Variants in SPAG9 observed in about 807,000 individuals in gnomAD.
The protein encoded by SPAG9 is sperm associated antigen 9.
SPAG9 carries 35 observed loss-of-function variants against 166.5 expected under a neutral mutation model. The ratio of observed to expected loss-of-function variants is 0.21; its 90% CI spans 0.16 to 0.28. SPAG9 has a LOEUF of 0.28. Ranked by LOEUF, SPAG9 falls within the 10% of genes least tolerant of loss-of-function variation. The probability of loss-of-function intolerance (pLI) is 1.00; values close to 1 mark genes in which losing one functional copy is unlikely to be tolerated. For missense variants in SPAG9, 1,235 were observed against 1,603.3 expected, an observed-to-expected ratio of 0.77 and a Z score of 3.92; for synonymous variants, 534 against 565.5, an observed-to-expected ratio of 0.94 and a Z score of 0.79.
intron 2 of SPAG9, among the ~76,000 whole-genome samples, chr17:51,061,784 C>T (rs1479535890): frequency 6.6e-6 from 1 of 151,990 alleles, no homozygotes; most frequent in Admixed American, 6.6e-5. Flanking sequence ...TTTTGTTCTC[C>T]TTAAGCATTT....
At chr17:51,084,875 G>A (rs1189786585) in intron 1 of SPAG9, among the ~76,000 whole-genome samples, 1 of 151,856 alleles carries the variant, frequency 6.6e-6, no homozygotes, top group Non-Finnish European at 1.5e-5. Context: ...TTTTGAGATG[G>A]AGTCTGGCTC....
rs2045160827 is a variant in SPAG9 at position 51,005,282 on chromosome 17, A to C, written c.1425-19T>G. ...CCGAGCTCTAGTGGGGAAAAAACAA[A>C]ACAAAACATGTTATTTGAATTGAGC... is the stretch of plus-strand genomic sequence containing the variant. On this transcript the variant is annotated intron_variant, in intron 11 of 29. Coordinates refer to ENST00000262013, the MANE Select transcript of SPAG9 (RefSeq NM_001130528.3). 6.2e-7 allele frequency: 1 copy of C among 1,611,830 alleles called. No homozygotes were observed.
rs969436984 is a variant in SPAG9 at position 50,977,098 on chromosome 17, A to T, written c.3523+10T>A. ...TTTGTTCCATGGCAGTTATCTAAAAATATACTTACTTTCTGTCAATGGGAT... is the reference window on the plus strand; with the variant it reads ...TTTGTTCCATGGCAGTTATCTAAAATTATACTTACTTTCTGTCAATGGGAT... On this transcript the variant is annotated intron_variant, in intron 27 of 29. Transcript: ENST00000262013. 3.3e-6 allele frequency: 5 copies of T among 1,528,670 alleles called. No individual in the cohort carries two copies. The highest frequency in any genetic ancestry group is 1.7e-5 in the Admixed American group (1 of 58,838). The allele number at this position is 1,528,670 out of a possible 1,614,324, so 94.7% of individuals were successfully genotyped here.
chr17:51,037,685 A>ATATATAGTGTGT, intron 5 of SPAG9, among the ~76,000 whole-genome samples: 64 of 83,504 alleles, frequency 7.7e-4, no homozygotes, highest in Non-Finnish European at 9.6e-4. Context: ...ATATATATAT[A>ATATATAGTGTGT]GTGTGTGTGT....
chr17:50,991,277 A>C (rs1014698909), intron 19 of SPAG9, among the ~76,000 whole-genome samples: 2 of 152,172 alleles, frequency 1.3e-5, no homozygotes, highest in Admixed American at 1.3e-4. Context: ...ATCAGCCAAA[A>C]AAAAATTCTT....
At chr17:51,111,313 A>G (rs2049104045) in intron 1 of SPAG9, among the ~76,000 whole-genome samples, 1 of 152,222 alleles carries the variant, frequency 6.6e-6, no homozygotes, top group Non-Finnish European at 1.5e-5. Flanking sequence ...ACTTATTTAG[A>G]TAACAGCTGT....
chr17:50,994,022 CTATTTCAAATT>C, intron 18 of SPAG9, 87 bp from the exon 19 acceptor site: 1 of 1,189,560 alleles, frequency 8.4e-7, no homozygotes, highest in Non-Finnish European at 1.2e-6. Context: ...AAAGGCAATA[CTATTTCAAATT>C]TATTTCCAGA....
At position 50,965,629 on chromosome 17, in the gene SPAG9, A is replaced by G. The variant is rs1973320516; in HGVS notation, c.*643T>C. The G allele has an allele frequency of 6.6e-6, 1 of 152,248 alleles. No homozygotes were observed. The highest frequency in any genetic ancestry group is 1.5e-5 in the Non-Finnish European group (1 of 68,046). The allele number at this position is 152,248 out of a possible 1,614,324, so 9.4% of individuals were successfully genotyped here. A position where few individuals can be genotyped will look rare whatever the true frequency, so the allele number is the denominator to read the frequency against. On this transcript the variant is annotated 3_prime_UTR_variant, in exon 30 of 30. Coordinates refer to ENST00000262013, the MANE Select transcript of SPAG9 (RefSeq NM_001130528.3). ...ATAAACTTTAGAGCTCTAATAAGTC[A>G]GAAACAGGAAACGTTTATTTAAATA...
intron 2 of SPAG9, among the ~76,000 whole-genome samples, chr17:51,059,113 G>A (rs1237283053): frequency 6.6e-6 from 1 of 152,120 alleles, no homozygotes; most frequent in Admixed American, 6.6e-5. Context: ...GCACAAATAT[G>A]ATATTGAAGG....
intron 13 of SPAG9, among the ~76,000 whole-genome samples, chr17:51,000,747 AAATG>A (rs146063281): frequency 0.098 from 13,102 of 133,558 alleles, 615 homozygotes; most frequent in African/African-American, 0.13. Context: ...CCATCTCAAT[AAATG>A]AATGAATAAA....
intron 2 of SPAG9, among the ~76,000 whole-genome samples, chr17:51,070,323 T>C (rs1162672879): frequency 2.6e-5 from 4 of 152,210 alleles, no homozygotes; most frequent in Admixed American, 6.5e-5. Context: ...CTGTAAATAA[T>C]GCTTCAAATT....
chr17:50,968,018 G>A (rs1973489051), intron 29 of SPAG9, among the ~76,000 whole-genome samples: 1 of 152,146 alleles, frequency 6.6e-6, no homozygotes, highest in Non-Finnish European at 1.5e-5. Context: ...CCTCAGTACG[G>A]TTCCAACTGA....
intron 27 of SPAG9, chr17:50,975,905 A>C (rs1009523925): frequency 1.3e-6 from 2 of 1,535,212 alleles, no homozygotes; most frequent in Non-Finnish European, 1.7e-6. Flanking sequence ...ATTACGGCTA[A>C]AGTGAGAAAG....
At position 51,031,627 on chromosome 17, in the gene SPAG9, T is replaced by C. The variant is rs558771915; in HGVS notation, c.783+54A>G. On this transcript the variant is annotated intron_variant, in intron 6 of 29. Coordinates refer to ENST00000262013, the MANE Select transcript of SPAG9 (RefSeq NM_001130528.3). ...GAATAGCAGTTGAGGAAGTAATCAA[T>C]AGTTAATCACTTTAGTATACTTTTT... 70 of 1,213,686 alleles carry C rather than the reference T, an allele frequency of 5.8e-5. No homozygotes were observed. The South Asian group carries it at 8.7e-4, about 15-fold the overall frequency. 75.2% of individuals were successfully genotyped at this position (1,213,686 alleles called of 1,614,324 possible). A position where few individuals can be genotyped will look rare whatever the true frequency, so the allele number is the denominator to read the frequency against.
intron 29 of SPAG9, among the ~76,000 whole-genome samples, chr17:50,968,473 G>C (rs1489626132): frequency 1.3e-5 from 2 of 152,194 alleles, no homozygotes; most frequent in Non-Finnish European, 2.9e-5. Flanking sequence ...CCTCATGCCT[G>C]TAATCCCAGC....
intron 28 of SPAG9, 122 bp from the exon 29 acceptor site, chr17:50,970,978 T>C: frequency 1.3e-6 from 1 of 770,464 alleles, no homozygotes; most frequent in Non-Finnish European, 2.0e-6. Context: ...AACCAAATAC[T>C]GGGGAAGCTA....
chr17:50,974,710 C>A (rs1289102615), intron 28 of SPAG9, 61 bp downstream of exon 28: 16 of 1,437,710 alleles, frequency 1.1e-5, no homozygotes, highest in Non-Finnish European at 1.5e-5. Context: ...GGTAGTGGAA[C>A]CAAGAGATGA....
At chr17:51,113,227 C>A (rs1216938959) in intron 1 of SPAG9, among the ~76,000 whole-genome samples, 1 of 151,438 alleles carries the variant, frequency 6.6e-6, no homozygotes, top group Non-Finnish European at 1.5e-5. Flanking sequence ...GTGGCACATG[C>A]CTGTAATCCC....
chr17:50,966,482 G>T, intron 29 of SPAG9, 95 bp from the exon 30 acceptor site: 1 of 801,164 alleles, frequency 1.2e-6, no homozygotes, highest in Admixed American at 1.8e-5. Flanking sequence ...CCATGAACAA[G>T]ATGCCCAAAA....
Sources: gnomAD v4.1 joint callset for allele counts (sites outside exome capture counted in the v4.1 genomes callset) on GRCh38, gnomAD v4.1.1 for gene constraint, MANE v1.5 for transcripts, NCBI Gene and HGNC (gene_info 2026-07-23, HGNC 2026-07-21) for gene names.